Variants in CEP295 observed in about 807,000 individuals in gnomAD.
The protein encoded by CEP295 is centrosomal protein 295.
CEP295 carries 190 observed loss-of-function variants against 291.6 expected under a neutral mutation model. That is an observed-to-expected ratio of 0.65 (90% CI 0.58 to 0.73). The LOEUF is 0.73. Ranked by LOEUF, CEP295 falls within the 30% of genes least tolerant of loss-of-function variation. The probability of loss-of-function intolerance (pLI) is 0.00; values close to 1 mark genes in which losing one functional copy is unlikely to be tolerated. For missense variants in CEP295, 2,863 were observed against 2,949.4 expected (o/e 0.97, Z 0.68); for synonymous variants, 993 against 1,038.8 (o/e 0.96, Z 0.85).
intron 17 of CEP295, among the ~76,000 whole-genome samples, chr11:93,705,025 T>C (rs1280565244): frequency 2.0e-5 from 3 of 152,224 alleles, no homozygotes; most frequent in Non-Finnish European, 4.4e-5. Context: ...TTTATTTTTC[T>C]AAACTTTTTT....
intron 2 of CEP295, 80 bp from the exon 3 acceptor site, chr11:93,667,527 A>T: frequency 1.1e-6 from 1 of 948,918 alleles, no homozygotes; most frequent in Non-Finnish European, 1.6e-6. Flanking sequence ...AATTCATTTG[A>T]GTTCCTCTTT....
At chr11:93,709,500 CTG>C (rs1351507466) in intron 18 of CEP295, among the ~76,000 whole-genome samples, 1 of 152,076 alleles carries the variant, frequency 6.6e-6, no homozygotes, top group Non-Finnish European at 1.5e-5. Flanking sequence ...TTCCATTGAT[CTG>C]TGTGTGTCTC....
chr11:93,724,549 T>G (rs1358889478), intron 22 of CEP295, among the ~76,000 whole-genome samples, 174 bp downstream of exon 22: 1 of 152,146 alleles, frequency 6.6e-6, no homozygotes, highest in African/African-American at 2.4e-5. Context: ...GGCAGATTAC[T>G]TGAGGCCAAG....
chr11:93,716,651 G>C (rs1239215855), intron 18 of CEP295, among the ~76,000 whole-genome samples: 1 of 152,212 alleles, frequency 6.6e-6, no homozygotes, highest in South Asian at 2.1e-4. Flanking sequence ...CTTCACAAAA[G>C]GGGGTGGGCT....
chr11:93,683,410 G>A lies in CEP295; in HGVS notation c.766-149G>A, dbSNP rs1951069395. On this transcript the variant is annotated intron_variant, in intron 7 of 29. Transcript: ENST00000325212. The stretch of plus-strand genomic sequence containing the variant: ...GGTATTCAGCAAATAATTGTTGAAT[G>A]AATAAATGTCTGTCTTTTGGCTGAA... 6.6e-6 allele frequency: 4 copies of A among 602,984 alleles called. No homozygotes were observed. In the South Asian group the frequency reaches 9.8e-5, roughly 15 times the overall value. 37.4% of individuals were successfully genotyped at this position (602,984 alleles called of 1,614,324 possible). A position where few individuals can be genotyped will look rare whatever the true frequency, so the allele number is the denominator to read the frequency against.
chr11:93,706,296 A>G (rs568925818), intron 17 of CEP295, among the ~76,000 whole-genome samples: 4 of 152,320 alleles, frequency 2.6e-5, no homozygotes, highest in African/African-American at 9.6e-5. Context: ...AGGTGCACAA[A>G]TCATGTTTGT....
Position 93,725,832 on chromosome 11 carries a change from G to A in CEP295, c.6499+1G>A, listed in dbSNP as rs191861339. On this transcript the variant is annotated splice_donor_variant, in intron 23 of 29. Transcript: ENST00000325212. LOFTEE classifies it high-confidence loss of function. ...TTTGCTACAGAAAATATTATTGGGG[G>A]TATGTATGACTAAGTTAGAAAAAGT... 2 of 1,547,604 alleles carry A rather than the reference G, an allele frequency of 1.3e-6. No individual in the cohort carries two copies. Among genetic ancestry groups the A allele is most frequent in the Admixed American group, 2.0e-5 (1 of 49,944 alleles).
chr11:93,690,851 T>C (rs149295920), intron 10 of CEP295, among the ~76,000 whole-genome samples: 3 of 152,206 alleles, frequency 2.0e-5, no homozygotes, highest in African/African-American at 7.2e-5. Flanking sequence ...CTCAGTTTCT[T>C]GAATGGGCCA....
Position 93,695,495 on chromosome 11 carries a change from A to G in CEP295, c.1534-2A>G. 6.9e-7 allele frequency: 1 copy of G among 1,441,370 alleles called. No individual in the cohort carries two copies. Among genetic ancestry groups the G allele is most frequent in the South Asian group, 1.5e-5 (1 of 64,654 alleles). The allele number at this position is 1,441,370 out of a possible 1,614,324, so 89.3% of individuals were successfully genotyped here. A position where few individuals can be genotyped will look rare whatever the true frequency, so the allele number is the denominator to read the frequency against. On this transcript the variant is annotated splice_acceptor_variant, in intron 12 of 29. Coordinates refer to ENST00000325212, the MANE Select transcript of CEP295 (RefSeq NM_033395.2). LOFTEE classifies it high-confidence loss of function. Reference sequence around the variant, plus strand: ...ATAGATCAATAGTATTTTGTTACCTAGATAATGGAAATAGAAGAGCAGAAG... The same window carrying G: ...ATAGATCAATAGTATTTTGTTACCTGGATAATGGAAATAGAAGAGCAGAAG...
rs763619286 is a variant in CEP295, at chr11:93,679,528, A to G, written c.741A>G (p.Ala247=). ...FEKAHVRGFQ[A]MKKIHLAQNQ... ...AGGCACATGTACGGGGATTCCAAGC[A>G]ATGAAGAAGATCCATTTGGCTCAAG... is the stretch of plus-strand genomic sequence containing the variant. Residue 247 remains alanine (A), a synonymous_variant, in exon 7 of 30, where the codon GCA becomes GCG. Transcript: ENST00000325212. The G allele has an allele frequency of 1.3e-6, 2 of 1,551,366 alleles. No homozygotes were observed. The highest frequency in any genetic ancestry group is 1.4e-5 in the African/African-American group (1 of 73,018).
In CEP295 at chr11:93,683,726, G is replaced by A; in HGVS notation, c.933G>A (p.Met311Ile). 2.6e-6 allele frequency: 4 copies of A among 1,541,848 alleles called. No homozygotes were observed. The highest frequency in any genetic ancestry group is 3.5e-6 in the Non-Finnish European group (4 of 1,144,764). The part of the protein sequence containing the change: ...QRELEFAFED[M>I]YNADRKVKGN... ...AATTGGAATTTGCCTTTGAAGATAT[G>A]TACAATGCAGACAGGAGTAAGATAT... Residue 311 changes from methionine (M) to isoleucine (I), a missense_variant, in exon 8 of 30, where the codon ATG (methionine) becomes ATA (isoleucine). Around this residue, in one of 3 missense-constraint regions of CEP295, gnomAD observed 554 missense variants for 576.0 expected, o/e 0.96. Coordinates refer to ENST00000325212, the MANE Select transcript of CEP295 (RefSeq NM_033395.2).
At chr11:93,706,933 A>ATATT in intron 18 of CEP295, 36 bp downstream of exon 18, 1 of 1,470,028 alleles carries the variant, frequency 6.8e-7, no homozygotes, top group Non-Finnish European at 9.1e-7. Flanking sequence ...TGTATGCACA[A>ATATT]GGATATGTGG....
Position 93,729,874 on chromosome 11 carries a change from A to ATCTGTGAGTCGTCTAAAGGGCGTGAATAT in CEP295, c.7600_7601insTTCTGTGAGTCGTCTAAAGGGCGTGAATA (p.Lys2534IlefsTer3). 1 of 1,544,678 alleles carries ATCTGTGAGTCGTCTAAAGGGCGTGAATAT rather than the reference A, an allele frequency of 6.5e-7. No homozygotes were observed. Among genetic ancestry groups the ATCTGTGAGTCGTCTAAAGGGCGTGAATAT allele is most frequent in the Non-Finnish European group, 8.7e-7 (1 of 1,145,208 alleles). ...ATTTCACTTTTCTTTCCTCAGGTTC[A>ATCTGTGAGTCGTCTAAAGGGCGTGAATAT]TCTGTGAGTCGTCTAAAGGGCGTGA... On this transcript the variant is annotated frameshift_variant, in exon 28 of 30. Coordinates refer to ENST00000325212, the MANE Select transcript of CEP295 (RefSeq NM_033395.2). LOFTEE classifies it high-confidence loss of function.
At chr11:93,716,023 C>A (rs1288832529) in intron 18 of CEP295, among the ~76,000 whole-genome samples, 1 of 152,130 alleles carries the variant, frequency 6.6e-6, no homozygotes, top group South Asian at 2.1e-4. Flanking sequence ...CCCTCCAAGT[C>A]TACAAGCTCT....
chr11:93,677,423 A>G (rs1043721758), intron 6 of CEP295, among the ~76,000 whole-genome samples: 4 of 152,134 alleles, frequency 2.6e-5, no homozygotes, highest in Non-Finnish European at 4.4e-5. Flanking sequence ...AAAATCTTTT[A>G]TATGTCATAA....
chr11:93,673,104 A>G (rs1227285578), intron 5 of CEP295, among the ~76,000 whole-genome samples: 1 of 152,196 alleles, frequency 6.6e-6, no homozygotes, highest in East Asian at 1.9e-4. Context: ...AATGTGTACT[A>G]CCATCTCTGA....
chr11:93,713,141 G>C (rs890011266), intron 18 of CEP295, among the ~76,000 whole-genome samples: 2 of 151,786 alleles, frequency 1.3e-5, no homozygotes, highest in African/African-American at 4.8e-5. Flanking sequence ...TTCTATTTAT[G>C]TCTTATTGTA....
intron 10 of CEP295, among the ~76,000 whole-genome samples, chr11:93,690,311 C>A (rs1373490971): frequency 6.6e-6 from 1 of 152,094 alleles, no homozygotes; most frequent in East Asian, 1.9e-4. Context: ...AATCCCAACA[C>A]TTTGGGAGGC....
chr11:93,684,589 G>A (rs1044368607), intron 9 of CEP295, among the ~76,000 whole-genome samples: 1 of 152,218 alleles, frequency 6.6e-6, no homozygotes, highest in Non-Finnish European at 1.5e-5. Flanking sequence ...CCATACAGAG[G>A]ATCAAGGTGT....
Sources: allele counts gnomAD v4.1 joint callset (sites outside exome capture counted in the v4.1 genomes callset), GRCh38; gene constraint gnomAD v4.1.1; regional missense constraint gnomAD v4.1.1; transcripts MANE v1.5; gene names NCBI Gene and HGNC (gene_info 2026-07-23, HGNC 2026-07-21).